The following SEZ6L variants were observed in gnomAD, a reference collection of about 807,000 sequenced individuals.
The protein encoded by SEZ6L is seizure 6-like protein.
SEZ6L carries 37 observed loss-of-function variants against 106.2 expected under a neutral mutation model. That is an observed-to-expected ratio of 0.35 (90% CI 0.27 to 0.46). SEZ6L has a LOEUF of 0.46. Ranked by LOEUF, SEZ6L falls within the 20% of genes least tolerant of loss-of-function variation. The pLI is 1.00. For missense variants in SEZ6L, 1,172 were observed against 1,332.8 expected, an observed-to-expected ratio of 0.88 and a Z score of 1.88; for synonymous variants, 541 against 570.4, an observed-to-expected ratio of 0.95 and a Z score of 0.73.
chr22:26,247,629 A>T (rs990500338), intron 1 of SEZ6L, among the ~76,000 whole-genome samples: 1 of 152,156 alleles, frequency 6.6e-6, no homozygotes, highest in Non-Finnish European at 1.5e-5. Flanking sequence ...CCCGGAGCCT[A>T]CAGAAAAGAC....
chr22:26,192,973 G>C (rs1303521171), intron 1 of SEZ6L, among the ~76,000 whole-genome samples: 1 of 152,216 alleles, frequency 6.6e-6, no homozygotes, highest in African/African-American at 2.4e-5. Context: ...GCGGGGTGAA[G>C]ATAAGGATGA....
chr22:26,368,659 T>A (rs1478856195), intron 13 of SEZ6L, among the ~76,000 whole-genome samples: 1 of 152,190 alleles, frequency 6.6e-6, no homozygotes, highest in Admixed American at 6.5e-5. Context: ...GAGGTCATGG[T>A]TGCGCACCAT....
At chr22:26,273,175 C>G (rs796094298) in intron 1 of SEZ6L, among the ~76,000 whole-genome samples, 10 of 152,348 alleles carry the variant, frequency 6.6e-5, no homozygotes, top group African/African-American at 2.4e-4. Flanking sequence ...TCACAAGCCC[C>G]ACGTGTGCTT....
intron 9 of SEZ6L, among the ~76,000 whole-genome samples, chr22:26,338,884 T>TTTTTTTTTTGG (rs2082736625): frequency 7.3e-6 from 1 of 136,836 alleles, no homozygotes; most frequent in African/African-American, 2.6e-5. Flanking sequence ...TTTTTTTTTT[T>TTTTTTTTTTGG]GTAGAGACAG....
intron 1 of SEZ6L, among the ~76,000 whole-genome samples, chr22:26,182,303 A>T (rs1039863091): frequency 4.6e-5 from 7 of 152,224 alleles, no homozygotes; most frequent in African/African-American, 1.7e-4. Flanking sequence ...TCAGATAGTC[A>T]GCAGGTGCTC....
At chr22:26,243,218 A>G (rs895366000) in intron 1 of SEZ6L, among the ~76,000 whole-genome samples, 4 of 152,232 alleles carry the variant, frequency 2.6e-5, no homozygotes, top group African/African-American at 9.6e-5. Context: ...TCACAGGTAC[A>G]GGGGGTTAGG....
chr22:26,244,963 C>T (rs2079281084), intron 1 of SEZ6L, among the ~76,000 whole-genome samples: 1 of 152,102 alleles, frequency 6.6e-6, no homozygotes, highest in East Asian at 1.9e-4. Context: ...GGGTTTTGAG[C>T]AGGGAAATGA....
intron 5 of SEZ6L, among the ~76,000 whole-genome samples, chr22:26,305,012 C>G (rs1002524741): frequency 6.6e-6 from 1 of 152,154 alleles, no homozygotes; most frequent in African/African-American, 2.4e-5. Context: ...ATTGCTTCTC[C>G]GCTACAAACC....
intron 5 of SEZ6L, among the ~76,000 whole-genome samples, chr22:26,305,281 C>G (rs1601443984): frequency 6.6e-6 from 1 of 152,268 alleles, no homozygotes; most frequent in Non-Finnish European, 1.5e-5. Context: ...ATTCCTAACT[C>G]TTGGTGCAAA....
At chr22:26,255,807 T>C (rs891426022) in intron 1 of SEZ6L, among the ~76,000 whole-genome samples, 1 of 152,232 alleles carries the variant, frequency 6.6e-6, no homozygotes, top group East Asian at 1.9e-4. Context: ...TGCTAGTCAC[T>C]GGGAATCCAA....
intron 1 of SEZ6L, among the ~76,000 whole-genome samples, chr22:26,192,816 C>CT (rs558462428): frequency 1.1e-3 from 164 of 152,280 alleles, no homozygotes; most frequent in African/African-American, 3.9e-3. Context: ...TGCAAAAGGC[C>CT]TATCTGGTCA....
At chr22:26,281,246 G>A (rs1197613302) in intron 1 of SEZ6L, among the ~76,000 whole-genome samples, 2 of 152,258 alleles carry the variant, frequency 1.3e-5, no homozygotes, top group East Asian at 1.9e-4. Context: ...AGTATGCTCC[G>A]CCCTGCAGCC....
Position 26,280,055 on chromosome 22 carries a change from A to C in SEZ6L, c.95-12351A>C, listed in dbSNP as rs2080711341. ...AAAAAGTGATTCTCTCTTTGAGCCCAAACCTCATTTCTACTCTGCTGAGGT... is the reference window on the plus strand; with the variant it reads ...AAAAAGTGATTCTCTCTTTGAGCCCCAACCTCATTTCTACTCTGCTGAGGT... On this transcript the variant is annotated intron_variant, in intron 1 of 16. Transcript: ENST00000248933. 3.3e-5 allele frequency among the ~76,000 whole-genome samples: 5 copies of C among 152,336 alleles called. No homozygotes were observed. The South Asian group carries it at 1.0e-3, about 32-fold the overall frequency.
chr22:26,327,848 C>G (rs2082368276), intron 9 of SEZ6L, among the ~76,000 whole-genome samples: 1 of 152,226 alleles, frequency 6.6e-6, no homozygotes, highest in Admixed American at 6.5e-5. Context: ...GGGTTCCACT[C>G]CGTGTTTTAT....
intron 10 of SEZ6L, among the ~76,000 whole-genome samples, chr22:26,342,437 C>G (rs1035905621): frequency 6.6e-6 from 1 of 152,040 alleles, no homozygotes; most frequent in Non-Finnish European, 1.5e-5. Flanking sequence ...TGCCTGTAAT[C>G]CTAGCACTTT....
At chr22:26,272,434 A>G (rs954067000) in intron 1 of SEZ6L, among the ~76,000 whole-genome samples, 3 of 152,206 alleles carry the variant, frequency 2.0e-5, no homozygotes, top group African/African-American at 7.2e-5. Context: ...TGGGCCACAA[A>G]AAAACCGAAT....
intron 1 of SEZ6L, among the ~76,000 whole-genome samples, chr22:26,173,847 C>T (rs1424475468): frequency 6.6e-6 from 1 of 152,148 alleles, no homozygotes; most frequent in Non-Finnish European, 1.5e-5. Flanking sequence ...CCCGGGTCTC[C>T]TCATCTTAGA....
intron 1 of SEZ6L, among the ~76,000 whole-genome samples, chr22:26,223,194 G>A (rs76855815): frequency 0.012 from 1,862 of 152,224 alleles, 17 homozygotes; most frequent in Non-Finnish European, 0.018. Flanking sequence ...GGTATATCAC[G>A]GTGGTGTTAG....
intron 9 of SEZ6L, among the ~76,000 whole-genome samples, chr22:26,326,690 A>G (rs546363606): frequency 6.6e-6 from 1 of 152,300 alleles, no homozygotes; most frequent in East Asian, 1.9e-4. Context: ...CTTCATCCTG[A>G]AGGCAGCCAG....
Sources: gnomAD v4.1 joint callset for allele counts (sites outside exome capture counted in the v4.1 genomes callset) on GRCh38, gnomAD v4.1.1 for gene constraint, MANE v1.5 for transcripts, NCBI Gene and HGNC (gene_info 2026-07-23, HGNC 2026-07-21) for gene names.